Variants in CA8 observed in about 807,000 individuals in gnomAD.
CA8 encodes carbonic anhydrase-related protein.
Under a neutral mutation model 41.4 loss-of-function variants are expected in CA8, and 22 were observed. The ratio of observed to expected loss-of-function variants is 0.53; its 90% CI spans 0.38 to 0.76. The LOEUF (loss-of-function observed/expected upper bound fraction) is 0.76, where lower values mean the gene tolerates loss of function less well. Ranked by LOEUF, CA8 falls within the 30% of genes least tolerant of loss-of-function variation. The probability of loss-of-function intolerance (pLI) is 0.00; values close to 1 mark genes in which losing one functional copy is unlikely to be tolerated. For synonymous variants in CA8, 121 were observed against 130.6 expected (o/e 0.93, Z 0.50); for missense variants, 270 against 352.8 (o/e 0.77, Z 1.88).
intron 3 of CA8, among the ~76,000 whole-genome samples, chr8:60,249,976 A>G (rs1440582555): frequency 6.6e-6 from 1 of 152,220 alleles, no homozygotes; most frequent in Non-Finnish European, 1.5e-5. Context: ...GTGGGAGCAT[A>G]TAATAGCCAT....
At chr8:60,271,432 T>C (rs1804069762) in intron 2 of CA8, among the ~76,000 whole-genome samples, 1 of 152,206 alleles carries the variant, frequency 6.6e-6, no homozygotes, top group Non-Finnish European at 1.5e-5. Flanking sequence ...AGCCTCTTCT[T>C]CAGTGAAAAT....
chr8:60,224,087 CGTTT>C (rs774053646), intron 6 of CA8, among the ~76,000 whole-genome samples: 9 of 152,160 alleles, frequency 5.9e-5, no homozygotes, highest in Non-Finnish European at 1.2e-4. Flanking sequence ...TTTGTTTGTT[CGTTT>C]GTTTGTTTGA....
intron 3 of CA8, among the ~76,000 whole-genome samples, chr8:60,260,727 A>G (rs1022928158): frequency 4.6e-5 from 7 of 152,192 alleles, no homozygotes; most frequent in East Asian, 1.9e-4. Context: ...TTTTAAATCT[A>G]TATTTCTTTA....
Position 60,227,194 on chromosome 8 carries a change from GGAA to G in CA8, c.514-262_514-260del, listed in dbSNP as rs1211192144. ...AAGTCCCAGCTACTCAGGAGGGTGAGGAAGAAGAATCGCTTGAACCCAGGAGGC... is the reference window on the plus strand; with the variant it reads ...AAGTCCCAGCTACTCAGGAGGGTGAGGAAGAATCGCTTGAACCCAGGAGGC... On this transcript the variant is annotated intron_variant, in intron 4 of 8. Transcript: ENST00000317995. Among the ~76,000 whole-genome samples the G allele has an allele frequency of 7.9e-5, 12 of 152,200 alleles. 1 individual carries two copies. In the East Asian group the frequency reaches 2.1e-3, roughly 27 times the overall value.
intron 7 of CA8, among the ~76,000 whole-genome samples, chr8:60,210,588 G>A (rs938245636): frequency 1.3e-5 from 2 of 151,546 alleles, no homozygotes; most frequent in South Asian, 2.1e-4. Context: ...ATTAGAATCC[G>A]GGTCAGAAAG....
chr8:60,246,623 A>G (rs1585899689), intron 3 of CA8, among the ~76,000 whole-genome samples: 1 of 152,128 alleles, frequency 6.6e-6, no homozygotes, highest in East Asian at 1.9e-4. Flanking sequence ...AAATAATATC[A>G]ATTAAAAAAC....
At chr8:60,237,963 C>T (rs1214056172) in intron 3 of CA8, among the ~76,000 whole-genome samples, 4 of 152,248 alleles carry the variant, frequency 2.6e-5, no homozygotes, top group Non-Finnish European at 5.9e-5. Context: ...GTTAAAAAAT[C>T]GGACCACAGG....
chr8:60,266,044 A>G lies in CA8; in HGVS notation c.298T>C (p.Ser100Pro), dbSNP rs267606695. The change falls in exon 3 of 9, where the codon TCG becomes CCG. Residue 100 changes from serine to proline, a missense_variant. Coordinates refer to ENST00000317995, the MANE Select transcript of CA8 (RefSeq NM_004056.6). ...TGCCCTTGAGGCAATGGTCCTCCCGAAAGAACTGAAAAAGAAAATATATGT... is the reference window on the plus strand; with the variant it reads ...TGCCCTTGAGGCAATGGTCCTCCCGGAAGAACTGAAAAAGAAAATATATGT... ...QVILKSKSVLSGGPLPQGHEF... is the reference protein window; with the variant it reads ...QVILKSKSVLPGGPLPQGHEF... The G allele has an allele frequency of 6.2e-7, 1 of 1,613,664 alleles. No individual in the cohort carries two copies. The highest frequency in any genetic ancestry group is 1.6e-4 in the Middle Eastern group (1 of 6,062).
intron 3 of CA8, chr8:60,265,625 T>C (rs973741519): frequency 8.3e-6 from 3 of 363,528 alleles, no homozygotes; most frequent in African/African-American, 6.3e-5. Flanking sequence ...TCCACAAAAA[T>C]GACCTACTGA....
chr8:60,218,371 G>C (rs1807101646), intron 7 of CA8, among the ~76,000 whole-genome samples: 1 of 151,890 alleles, frequency 6.6e-6, no homozygotes, highest in South Asian at 2.1e-4. Context: ...AATTCTTTGA[G>C]AGTGTCTTTT....
At chr8:60,252,693 C>A (rs1450618597) in intron 3 of CA8, among the ~76,000 whole-genome samples, 1 of 152,182 alleles carries the variant, frequency 6.6e-6, no homozygotes, top group Non-Finnish European at 1.5e-5. Context: ...AATCTCTACT[C>A]CAAAATATTC....
chr8:60,241,120 G>T (rs1808012329), intron 3 of CA8, among the ~76,000 whole-genome samples: 1 of 152,140 alleles, frequency 6.6e-6, no homozygotes, highest in Non-Finnish European at 1.5e-5. Flanking sequence ...GATTTAGTGT[G>T]TATTATTCTC....
chr8:60,273,851 G>A (rs1446879212), intron 2 of CA8, among the ~76,000 whole-genome samples: 4 of 152,226 alleles, frequency 2.6e-5, no homozygotes, highest in Admixed American at 1.3e-4. Flanking sequence ...AGGGGCTCAT[G>A]CCCCTGAAAA....
intron 2 of CA8, among the ~76,000 whole-genome samples, chr8:60,269,706 A>C (rs568983953): frequency 6.6e-6 from 1 of 152,344 alleles, no homozygotes; most frequent in Admixed American, 6.5e-5. Flanking sequence ...TTCAAAGCTA[A>C]GTTTTGAGAT....
At chr8:60,277,650 C>T (rs1414381550) in intron 2 of CA8, among the ~76,000 whole-genome samples, 1 of 152,164 alleles carries the variant, frequency 6.6e-6, no homozygotes, top group Non-Finnish European at 1.5e-5. Context: ...CCATCACACC[C>T]AGCCTATTCA....
intron 4 of CA8, among the ~76,000 whole-genome samples, chr8:60,228,695 G>T (rs1326724732): frequency 6.6e-6 from 1 of 152,150 alleles, no homozygotes; most frequent in African/African-American, 2.4e-5. Context: ...ATCAAACAAA[G>T]ACTGTGGAAC....
At chr8:60,204,005 C>T (rs1806505720) in intron 8 of CA8, among the ~76,000 whole-genome samples, 1 of 152,178 alleles carries the variant, frequency 6.6e-6, no homozygotes, top group Admixed American at 6.5e-5. Flanking sequence ...AATCCCTGTC[C>T]AGGCAGGTTC....
intron 7 of CA8, among the ~76,000 whole-genome samples, chr8:60,216,716 A>G (rs1807034952): frequency 6.6e-6 from 1 of 152,172 alleles, no homozygotes; most frequent in African/African-American, 2.4e-5. Flanking sequence ...ATAGTAGTAA[A>G]ATATTGTATC....
At chr8:60,218,844 G>A (rs942650345) in intron 7 of CA8, among the ~76,000 whole-genome samples, 1 of 152,118 alleles carries the variant, frequency 6.6e-6, no homozygotes, top group African/African-American at 2.4e-5. Context: ...GCCCCTGCTC[G>A]TGTTGCAGTC....
Sources: allele counts gnomAD v4.1 joint callset (sites outside exome capture counted in the v4.1 genomes callset), GRCh38; gene constraint gnomAD v4.1.1; transcripts MANE v1.5; gene names NCBI Gene and HGNC (gene_info 2026-07-23, HGNC 2026-07-21).